Variants in HMGN1 observed in about 807,000 individuals in gnomAD.
HMGN1 encodes the protein non-histone chromosomal protein HMG-14.
A neutral mutation model predicts 18.4 loss-of-function variants in HMGN1; 9 were observed. The ratio of observed to expected loss-of-function variants is 0.49; its 90% confidence interval spans 0.29 to 0.85. The LOEUF (loss-of-function observed/expected upper bound fraction) is 0.85, where lower values mean the gene tolerates loss of function less well. Among genes scored for constraint, HMGN1 ranks in the 40% least tolerant of loss-of-function variants. The pLI is 0.07. For missense variants in HMGN1, 151 were observed against 119.2 expected (o/e 1.27, Z -1.24); for synonymous variants, 59 against 45.0 (o/e 1.31, Z -1.24).
chr21:39,345,308 G>A, intron 4 of HMGN1, 34 bp from the exon 5 acceptor site: 1 of 1,580,394 alleles, frequency 6.3e-7, no homozygotes, highest in Non-Finnish European at 8.7e-7. Flanking sequence ...TTAAGTACAT[G>A]CTTTACTCCT....
chr21:39,344,546 G>A (rs1054558507), intron 5 of HMGN1: 1 of 152,148 alleles, frequency 6.6e-6, no homozygotes, highest in Non-Finnish European at 1.5e-5. Flanking sequence ...GGCTAGAGGA[G>A]TGCAGTAGTG....
chr21:39,344,256 CAAA>C (rs3067491), intron 5 of HMGN1, among the ~76,000 whole-genome samples: 2 of 113,500 alleles, frequency 1.8e-5, no homozygotes, highest in African/African-American at 3.6e-5. Context: ...AATTCCGTCT[CAAA>C]AAAAAAAAAA....
In HMGN1 at chr21:39,349,036, T is replaced by G. The variant is rs1328654275; in HGVS notation, c.-119A>C. 3.6e-5 allele frequency: 40 copies of G among 1,107,760 alleles called. No individual in the cohort carries two copies. In the South Asian group the frequency reaches 5.4e-4, roughly 15 times the overall value. The allele number at this position is 1,107,760 out of a possible 1,614,324, so 68.6% of individuals were successfully genotyped here. ...TGGGCTGCCTTGCCGCTGCCACTCCTCCCGCCGCCCGAGCTGCTGAGACCC... is the reference window on the plus strand; with the variant it reads ...TGGGCTGCCTTGCCGCTGCCACTCCGCCCGCCGCCCGAGCTGCTGAGACCC... On this transcript the variant is annotated 5_prime_UTR_variant, in exon 1 of 6. Coordinates refer to ENST00000380749, the MANE Select transcript of HMGN1 (RefSeq NM_004965.7).
At position 39,347,947 on chromosome 21, in the gene HMGN1, T is replaced by A. The variant is rs970870772; in HGVS notation, c.126+345A>T. The A allele has an allele frequency of 2.4e-5, 27 of 1,134,506 alleles. 1 individual carries two copies. The East Asian group carries it at 6.7e-4, about 28-fold the overall frequency. The allele number at this position is 1,134,506 out of a possible 1,614,324, so 70.3% of individuals were successfully genotyped here. On this transcript the variant is annotated intron_variant, in intron 4 of 5. Transcript: ENST00000380749. Reference sequence around the variant, plus strand: ...CCTTTCTCCTGGCCTCGGTGCTATCTTGACTCTTTTATTGTCAAAAAAGGA... The same window carrying A: ...CCTTTCTCCTGGCCTCGGTGCTATCATGACTCTTTTATTGTCAAAAAAGGA...
Position 39,348,404 on chromosome 21 carries a change from G to A in HMGN1, c.78+18C>T, listed in dbSNP as rs201338982. On this transcript the variant is annotated intron_variant, in intron 3 of 5. Transcript: ENST00000380749. ...CGACCCGCGGAAAACGAACGGTTAC[G>A]GGGCTCGCTTTACTTACAGCTGACA... 1.9e-6 allele frequency: 3 copies of A among 1,614,154 alleles called. No homozygotes were observed. Among genetic ancestry groups the A allele is most frequent in the South Asian group, 1.1e-5 (1 of 91,080 alleles).
At chr21:39,348,815 G>A (rs2037164437) in intron 1 of HMGN1, 88 bp downstream of exon 1, 2 of 1,034,816 alleles carry the variant, frequency 1.9e-6, no homozygotes, top group South Asian at 3.5e-5. Context: ...TCGCCACCGT[G>A]GGTGCAACGG....
At chr21:39,347,753 G>A (rs182850960) in intron 4 of HMGN1, 1 of 270,288 alleles carries the variant, frequency 3.7e-6, no homozygotes, top group Admixed American at 5.2e-5. Context: ...AATTTGTTAG[G>A]GAGCAGCCAA....
chr21:39,344,311 AT>A (rs1401141887), intron 5 of HMGN1, among the ~76,000 whole-genome samples: 1 of 152,066 alleles, frequency 6.6e-6, no homozygotes, highest in Non-Finnish European at 1.5e-5. Flanking sequence ...AGTTAAAAAA[AT>A]AAACTGTGAT....
In HMGN1 at chr21:39,348,574, T is replaced by TGACCTGCGGAGAC. The variant is rs1447741646; in HGVS notation, c.16-10_18dup (p.Ser7ValfsTer25). 1 of 1,604,914 alleles carries TGACCTGCGGAGAC rather than the reference T, an allele frequency of 6.2e-7. No homozygotes were observed. The highest frequency in any genetic ancestry group is 8.5e-7 in the Non-Finnish European group (1 of 1,175,924). On this transcript the variant is annotated frameshift_variant, in exon 2 of 6. Transcript: ENST00000380749. LOFTEE classifies it high-confidence loss of function. ...TCCTTGGCGGCGCCTTCGGCGGAGC[T>TGACCTGCGGAGAC]GACCTGCGGAGACGGAGACGCACGA...
chr21:39,344,283 AG>A (rs2036967044), intron 5 of HMGN1, among the ~76,000 whole-genome samples: 1 of 148,348 alleles, frequency 6.7e-6, no homozygotes, highest in Non-Finnish European at 1.5e-5. Context: ...AAAGGAATTA[AG>A]AAGTACAAGA....
rs1309446987 is a variant in HMGN1, at chr21:39,343,161, T to G, written c.256-2A>C. The G allele has an allele frequency of 6.3e-7, 1 of 1,593,968 alleles. No homozygotes were observed. The highest frequency in any genetic ancestry group is 8.6e-7 in the Non-Finnish European group (1 of 1,168,840). ...TCCTGCTTCATCAGAGGCTGGACTC[T>G]GCAAAAGAAAGGAAATTGAGATCTT... is the stretch of plus-strand genomic sequence containing the variant. On this transcript the variant is annotated splice_acceptor_variant, in intron 5 of 5. Coordinates refer to ENST00000380749, the MANE Select transcript of HMGN1 (RefSeq NM_004965.7). LOFTEE classifies it high-confidence loss of function.
chr21:39,343,081 G>A lies in HMGN1; in HGVS notation c.*31C>T. 1 of 1,356,742 alleles carries A rather than the reference G, an allele frequency of 7.4e-7. No individual in the cohort carries two copies. The highest frequency in any genetic ancestry group is 1.0e-6 in the Non-Finnish European group (1 of 954,782). 84.0% of individuals were successfully genotyped at this position (1,356,742 alleles called of 1,614,324 possible). On this transcript the variant is annotated 3_prime_UTR_variant, in exon 6 of 6. Transcript: ENST00000380749. ...TCTGGATTGTACAAGAAGGGAGACA[G>A]GGACCACTGATAAGACATGGTATAT...
chr21:39,348,647 AG>A, intron 1 of HMGN1, 70 bp from the exon 2 acceptor site: 5 of 1,496,158 alleles, frequency 3.3e-6, no homozygotes, highest in Non-Finnish European at 4.4e-6. Flanking sequence ...CCCGGCCCCG[AG>A]AACAATGCCC....
intron 4 of HMGN1, chr21:39,347,290 T>G: frequency 1.1e-6 from 1 of 936,420 alleles, no homozygotes; most frequent in Non-Finnish European, 1.4e-6. Flanking sequence ...AAAACAGAAC[T>G]TTCTGTTAAA....
chr21:39,345,327 TTTTG>T lies in HMGN1; in HGVS notation c.127-57_127-54del, dbSNP rs1202203509. 18 of 1,554,790 alleles carry T rather than the reference TTTTG, an allele frequency of 1.2e-5. No individual in the cohort carries two copies. In the Admixed American group the frequency reaches 2.9e-4, roughly 25 times the overall value. Reference sequence around the variant, plus strand: ...GTACATGCTTTACTCCTTATTTACATTTTGTTTTACTTTTTCCCCTTCATGTCAG... The same window carrying T: ...GTACATGCTTTACTCCTTATTTACATTTTTACTTTTTCCCCTTCATGTCAG... On this transcript the variant is annotated intron_variant, in intron 4 of 5. Transcript: ENST00000380749.
intron 5 of HMGN1, 132 bp downstream of exon 5, chr21:39,345,014 G>A (rs1381204232): frequency 5.4e-5 from 58 of 1,079,538 alleles, no homozygotes; most frequent in Non-Finnish European, 7.1e-5. Flanking sequence ...ATCACTTTGG[G>A]ATACCGTACA....
intron 4 of HMGN1, chr21:39,346,169 G>C (rs989748515): frequency 5.7e-6 from 2 of 353,698 alleles, no homozygotes; most frequent in African/African-American, 2.1e-5. Context: ...TACGGATACT[G>C]ACCAATTACT....
intron 4 of HMGN1, chr21:39,346,251 T>C: frequency 3.0e-6 from 1 of 332,738 alleles, no homozygotes; most frequent in South Asian, 2.4e-5. Context: ...GAAAAATCAC[T>C]GCAGGGTGTT....
chr21:39,343,890 C>G (rs1037711949), intron 5 of HMGN1, among the ~76,000 whole-genome samples: 3 of 152,146 alleles, frequency 2.0e-5, no homozygotes, highest in Admixed American at 6.5e-5. Flanking sequence ...AGGTCAAGTT[C>G]TTCCTTTAAA....
Sources: allele counts gnomAD v4.1 joint callset (sites outside exome capture counted in the v4.1 genomes callset), GRCh38; gene constraint gnomAD v4.1.1; transcripts MANE v1.5; gene names NCBI Gene and HGNC (gene_info 2026-07-23, HGNC 2026-07-21).